GNAQ: variants seen among roughly 807,000 people sequenced by gnomAD.
The protein encoded by GNAQ is guanine nucleotide-binding protein G(q) subunit alpha.
A neutral mutation model predicts 43.9 loss-of-function variants in GNAQ; 8 were observed. The observed-to-expected ratio is 0.18, with a 90% CI of 0.11 to 0.33. The LOEUF (loss-of-function observed/expected upper bound fraction) is 0.33. Ranked by LOEUF, GNAQ falls within the 10% of genes least tolerant of loss-of-function variation. The probability of loss-of-function intolerance (pLI) is 1.00; values close to 1 mark genes in which losing one functional copy is unlikely to be tolerated. For synonymous variants in GNAQ, 155 were observed against 170.7 expected (o/e 0.91, Z 0.71); for missense variants, 158 against 450.8 (o/e 0.35, Z 5.88).
chr9:77,984,763 T>C (rs1165637889), intron 1 of GNAQ, among the ~76,000 whole-genome samples: 1 of 152,176 alleles, frequency 6.6e-6, no homozygotes, highest in African/African-American at 2.4e-5. Flanking sequence ...TGAGAAACTC[T>C]GCTTTACAAT....
chr9:77,950,837 A>G (rs1822964964), intron 1 of GNAQ, among the ~76,000 whole-genome samples: 1 of 152,086 alleles, frequency 6.6e-6, no homozygotes, highest in Non-Finnish European at 1.5e-5. Flanking sequence ...CAATCAATCA[A>G]TAGGGCCCTG....
chr9:77,811,209 C>T (rs1826916414), intron 3 of GNAQ, among the ~76,000 whole-genome samples: 1 of 151,526 alleles, frequency 6.6e-6, no homozygotes, highest in African/African-American at 2.4e-5. Flanking sequence ...AGAAATATTT[C>T]TGTAAGATGA....
Position 77,941,973 on chromosome 9 carries a change from G to A in GNAQ, c.137-19628C>T, listed in dbSNP as rs1587422630. ...AGAGTATTATATAGAAAGAGGTAGG[G>A]TAGAAAAATCTATAATAAAGTGTTG... is the stretch of plus-strand genomic sequence containing the variant. On this transcript the variant is annotated intron_variant, in intron 1 of 6. Transcript: ENST00000286548. 2.0e-5 allele frequency among the ~76,000 whole-genome samples: 3 copies of A among 150,276 alleles called. No individual in the cohort carries two copies. In the South Asian group the frequency reaches 6.4e-4, roughly 32 times the overall value.
chr9:77,913,034 G>A lies in GNAQ; in HGVS notation c.321+9127C>T, dbSNP rs1828833908. ...AACTAAAACAAAAAGAATACCAAAT[G>A]CTGTTGTCAAGGATGTGGAGCAACT... On this transcript the variant is annotated intron_variant, in intron 2 of 6. Transcript: ENST00000286548. Among the ~76,000 whole-genome samples the A allele has an allele frequency of 2.0e-5, 3 of 152,108 alleles. No homozygotes were observed. In the South Asian group the frequency reaches 6.2e-4, roughly 31 times the overall value.
intron 1 of GNAQ, among the ~76,000 whole-genome samples, chr9:77,983,015 G>C (rs1823387867): frequency 1.3e-5 from 2 of 152,146 alleles, no homozygotes; most frequent in African/African-American, 4.8e-5. Flanking sequence ...AACCATAACA[G>C]AGAAAATACC....
intron 2 of GNAQ, among the ~76,000 whole-genome samples, chr9:77,872,977 G>A (rs573204890): frequency 2.2e-4 from 34 of 152,272 alleles, no homozygotes; most frequent in African/African-American, 7.9e-4. Context: ...GGATATTCTA[G>A]GTCATGAGAA....
intron 2 of GNAQ, among the ~76,000 whole-genome samples, chr9:77,837,847 ATT>A (rs71360655): frequency 3.6e-4 from 47 of 128,970 alleles, no homozygotes; most frequent in African/African-American, 8.2e-4. Flanking sequence ...AGTGATTTAA[ATT>A]TTTTTTTTTT....
chr9:77,852,796 A>G (rs1489808971), intron 2 of GNAQ, among the ~76,000 whole-genome samples: 1 of 152,218 alleles, frequency 6.6e-6, no homozygotes, highest in Non-Finnish European at 1.5e-5. Flanking sequence ...TCCATGGCCT[A>G]TTATTTATAA....
chr9:77,868,419 A>G (rs1174027467), intron 2 of GNAQ, among the ~76,000 whole-genome samples: 1 of 152,240 alleles, frequency 6.6e-6, no homozygotes, highest in Non-Finnish European at 1.5e-5. Flanking sequence ...CTTACCTTTA[A>G]TAAGGAAGCA....
chr9:77,746,809 A>G (rs1205210207), intron 5 of GNAQ, among the ~76,000 whole-genome samples: 1 of 152,190 alleles, frequency 6.6e-6, no homozygotes. Context: ...CAAGAAAAAA[A>G]GAGTAAAAGC....
chr9:78,011,308 C>A (rs1041852615), intron 1 of GNAQ, among the ~76,000 whole-genome samples: 1 of 152,134 alleles, frequency 6.6e-6, no homozygotes, highest in African/African-American at 2.4e-5. Context: ...TACAAACAGA[C>A]CCAAGACAAA....
At chr9:77,854,649 A>G (rs17724885) in intron 2 of GNAQ, among the ~76,000 whole-genome samples, 9,120 of 152,276 alleles carry the variant, frequency 0.06, 367 homozygotes, top group South Asian at 0.1. Flanking sequence ...AATGCCGTTT[A>G]AGAAGCTAAG....
chr9:77,775,323 T>G (rs1338881205), intron 5 of GNAQ, among the ~76,000 whole-genome samples: 8 of 152,106 alleles, frequency 5.3e-5, no homozygotes, highest in Non-Finnish European at 1.5e-5. Flanking sequence ...CTCAAAAGAT[T>G]TTATATATTG....
intron 1 of GNAQ, among the ~76,000 whole-genome samples, chr9:77,971,207 G>A (rs1823233137): frequency 6.6e-6 from 1 of 152,170 alleles, no homozygotes; most frequent in East Asian, 1.9e-4. Flanking sequence ...GGTACAAAGA[G>A]GAGCTGATAC....
chr9:78,017,315 G>C (rs1823851410), intron 1 of GNAQ, among the ~76,000 whole-genome samples: 2 of 152,202 alleles, frequency 1.3e-5, no homozygotes, highest in Non-Finnish European at 2.9e-5. Context: ...TTCGTGAGCA[G>C]GTACAAACTA....
At chr9:77,934,291 T>C (rs1829200394) in intron 1 of GNAQ, among the ~76,000 whole-genome samples, 1 of 152,214 alleles carries the variant, frequency 6.6e-6, no homozygotes, top group Non-Finnish European at 1.5e-5. Context: ...TCTCTCTATA[T>C]TGTTAAACAG....
chr9:77,723,672 TAAAC>T (rs1453125161), intron 6 of GNAQ, among the ~76,000 whole-genome samples: 2 of 152,132 alleles, frequency 1.3e-5, no homozygotes, highest in African/African-American at 2.4e-5. Flanking sequence ...TTATAATAAA[TAAAC>T]CCAACATAAA....
chr9:77,965,176 T>TA (rs891729609), intron 1 of GNAQ, among the ~76,000 whole-genome samples: 2 of 152,078 alleles, frequency 1.3e-5, no homozygotes, highest in African/African-American at 4.8e-5. Flanking sequence ...AATCACAACA[T>TA]AAACACCAAC....
Position 77,837,686 on chromosome 9 carries a change from A to G in GNAQ, c.322-21916T>C, listed in dbSNP as rs555062219. ...AAAAATCAAAATGACTTCTAAATAT[A>G]TTGGCATGAAAAGATGCTAAAATGA... On this transcript the variant is annotated intron_variant, in intron 2 of 6. Transcript: ENST00000286548. 7.9e-5 allele frequency among the ~76,000 whole-genome samples: 12 copies of G among 152,206 alleles called. No individual in the cohort carries two copies. In the South Asian group the frequency reaches 2.3e-3, roughly 29 times the overall value.
Sources: allele counts gnomAD v4.1 joint callset (sites outside exome capture counted in the v4.1 genomes callset), GRCh38; gene constraint gnomAD v4.1.1; transcripts MANE v1.5; gene names NCBI Gene and HGNC (gene_info 2026-07-23, HGNC 2026-07-21).